TMEM232: variants seen among roughly 807,000 people sequenced by gnomAD.
TMEM232 encodes transmembrane protein 232.
Under a neutral mutation model 78.8 loss-of-function variants are expected in TMEM232, and 80 were observed. The observed-to-expected ratio is 1.01, with a 90% CI of 0.85 to 1.22. The LOEUF (loss-of-function observed/expected upper bound fraction) is 1.22, where lower values mean the gene tolerates loss of function less well. Among genes scored for constraint, TMEM232 ranks in the 50% most tolerant of loss-of-function variants. TMEM232 has a pLI of 0.00. For synonymous variants in TMEM232, 297 were observed against 254.3 expected (o/e 1.17, Z -1.60); for missense variants, 881 against 742.2 (o/e 1.19, Z -2.17).
rs546893828 is a variant in TMEM232 at position 110,651,936 on chromosome 5, TAA to T, written c.126-9567_126-9566del. Among the ~76,000 whole-genome samples, 13 of 152,308 alleles carry T rather than the reference TAA, an allele frequency of 8.5e-5. No individual in the cohort carries two copies. The South Asian group carries it at 1.9e-3, about 22-fold the overall frequency. On this transcript the variant is annotated intron_variant, in intron 2 of 13. Transcript: ENST00000455884. ...ATTCCCTGATGTAACTTTAGGTGCTTAAGTTTATTTTTACTGTTGTACATAGA... is the reference window on the plus strand; with the variant it reads ...ATTCCCTGATGTAACTTTAGGTGCTTGTTTATTTTTACTGTTGTACATAGA...
intron 12 of TMEM232, among the ~76,000 whole-genome samples, chr5:110,457,935 C>T (rs1761071901): frequency 6.6e-6 from 1 of 151,428 alleles, no homozygotes; most frequent in Admixed American, 6.6e-5. Context: ...TATCATAAAC[C>T]CCTTAAGGAT....
chr5:110,728,088 G>A (rs187362), upstream of TMEM232, among the ~76,000 whole-genome samples: 559 of 151,928 alleles, frequency 3.7e-3, 24 homozygotes, highest in East Asian at 0.095. Flanking sequence ...AAGGAAGGCC[G>A]AATAAAAAAT....
At chr5:110,473,866 T>C (rs1014641132) in intron 12 of TMEM232, among the ~76,000 whole-genome samples, 14 of 128,368 alleles carry the variant, frequency 1.1e-4, no homozygotes, top group African/African-American at 3.9e-4. Context: ...GAGGACATTC[T>C]GTTAAGTGAA....
chr5:110,624,468 A>T (rs1784162355), intron 7 of TMEM232, among the ~76,000 whole-genome samples: 2 of 152,144 alleles, frequency 1.3e-5, no homozygotes, highest in Non-Finnish European at 2.9e-5. Flanking sequence ...GAACCAGTTC[A>T]TAAGCATGTC....
At chr5:110,495,256 A>C (rs983979461) in intron 12 of TMEM232, among the ~76,000 whole-genome samples, 4 of 151,838 alleles carry the variant, frequency 2.6e-5, no homozygotes, top group African/African-American at 9.7e-5. Flanking sequence ...CCTTTCCTCT[A>C]TTCCAGTGGT....
chr5:110,509,691 T>C (rs1767482526), intron 12 of TMEM232, among the ~76,000 whole-genome samples: 1 of 152,142 alleles, frequency 6.6e-6, no homozygotes, highest in Admixed American at 6.6e-5. Context: ...CAAAAATGTT[T>C]TATTAGGTTT....
intron 2 of TMEM232, among the ~76,000 whole-genome samples, chr5:110,655,018 C>T (rs1449385084): frequency 1.3e-5 from 2 of 151,990 alleles, no homozygotes; most frequent in Non-Finnish European, 2.9e-5. Context: ...TCTAAAACAC[C>T]AAAAGCAATG....
At chr5:110,669,110 G>A (rs1207144937) in intron 1 of TMEM232, among the ~76,000 whole-genome samples, 1 of 151,890 alleles carries the variant, frequency 6.6e-6, no homozygotes, top group Non-Finnish European at 1.5e-5. Context: ...CTAGCAGAAG[G>A]CAAGAAATAA....
At chr5:110,557,774 C>T (rs1167500976) in intron 11 of TMEM232, among the ~76,000 whole-genome samples, 1 of 152,134 alleles carries the variant, frequency 6.6e-6, no homozygotes, top group African/African-American at 2.4e-5. Context: ...ATTATCCAAT[C>T]ACCTCCCCCC....
At chr5:110,632,754 G>A (rs1785295763) in intron 5 of TMEM232, among the ~76,000 whole-genome samples, 1 of 152,144 alleles carries the variant, frequency 6.6e-6, no homozygotes, top group Non-Finnish European at 1.5e-5. Context: ...TGTGATATGT[G>A]TGACATGATA....
At chr5:110,424,428 A>G (rs1483945771) in intron 13 of TMEM232, among the ~76,000 whole-genome samples, 1 of 152,190 alleles carries the variant, frequency 6.6e-6, no homozygotes, top group African/African-American at 2.4e-5. Context: ...TACTAAGAAC[A>G]AAGTGATTAA....
intron 12 of TMEM232, among the ~76,000 whole-genome samples, chr5:110,491,914 C>A (rs909914376): frequency 1.1e-4 from 17 of 151,474 alleles, no homozygotes; most frequent in Non-Finnish European, 1.5e-5. Flanking sequence ...TTACTATAAC[C>A]ATTATATATC....
At chr5:110,530,124 A>C (rs73222617) in intron 11 of TMEM232, among the ~76,000 whole-genome samples, 6,523 of 152,304 alleles carry the variant, frequency 0.043, 461 homozygotes, top group African/African-American at 0.15. Context: ...GGCCTGGCTA[A>C]ATTACTGACG....
intron 2 of TMEM232, among the ~76,000 whole-genome samples, chr5:110,734,605 C>T (rs530144973): frequency 2.8e-4 from 42 of 152,266 alleles, no homozygotes; most frequent in Admixed American, 2.2e-3. Flanking sequence ...AGAATAAACT[C>T]GGCAATTAAG....
intron 11 of TMEM232, among the ~76,000 whole-genome samples, chr5:110,541,724 C>T (rs149762641): frequency 1.3e-5 from 2 of 152,126 alleles, no homozygotes; most frequent in Non-Finnish European, 2.9e-5. Context: ...ATCCATAATA[C>T]CCCTAGAGCA....
At chr5:110,726,108 T>TTACA (rs1554087762) in intron 1 of TMEM232, among the ~76,000 whole-genome samples, 2,816 of 144,624 alleles carry the variant, frequency 0.019, 28 homozygotes, top group Admixed American at 0.023. Flanking sequence ...CCTCTCTCTT[T>TTACA]CACACACACA....
At chr5:110,613,991 G>C (rs1782622051) in intron 8 of TMEM232, among the ~76,000 whole-genome samples, 10 of 151,686 alleles carry the variant, frequency 6.6e-5, no homozygotes. Context: ...GTTTTTGTTT[G>C]CTAGAGCCAA....
At chr5:110,551,928 A>C (rs1054624184) in intron 11 of TMEM232, among the ~76,000 whole-genome samples, 1 of 152,126 alleles carries the variant, frequency 6.6e-6, no homozygotes, top group Admixed American at 6.5e-5. Context: ...TTTTCAGCAA[A>C]CCAAAAATAA....
At chr5:110,452,913 G>C (rs1022159769) in intron 12 of TMEM232, among the ~76,000 whole-genome samples, 2 of 152,208 alleles carry the variant, frequency 1.3e-5, no homozygotes, top group Non-Finnish European at 2.9e-5. Flanking sequence ...GTGCATTAAT[G>C]TGTGCACGTA....
Sources: gnomAD v4.1 joint callset for allele counts (sites outside exome capture counted in the v4.1 genomes callset) on GRCh38, gnomAD v4.1.1 for gene constraint, MANE v1.5 for transcripts, NCBI Gene and HGNC (gene_info 2026-07-23, HGNC 2026-07-21) for gene names.